The following MALRD1 variants were observed in gnomAD, a reference collection of about 807,000 sequenced individuals.
MALRD1 encodes MAM and LDL receptor class A domain containing 1.
MALRD1 carries 247 observed loss-of-function variants against 242.1 expected under a neutral mutation model. The observed-to-expected ratio is 1.02, with a 90% CI of 0.92 to 1.13. MALRD1 has a LOEUF of 1.13. Ranked by LOEUF, MALRD1 falls within the 50% of genes most tolerant of loss-of-function variation. The probability of loss-of-function intolerance (pLI) is 0.00; values close to 1 mark genes in which losing one functional copy is unlikely to be tolerated. For synonymous variants in MALRD1, 995 were observed against 866.6 expected, an observed-to-expected ratio of 1.15 and a Z score of -2.60; for missense variants, 2,989 against 2,533.1, an observed-to-expected ratio of 1.18 and a Z score of -3.86.
At chr10:19,069,075 A>G (rs1835064106) in intron 2 of MALRD1, among the ~76,000 whole-genome samples, 1 of 152,116 alleles carries the variant, frequency 6.6e-6, no homozygotes, top group Non-Finnish European at 1.5e-5. Flanking sequence ...TGAAAGTTTT[A>G]AGTAATTCTG....
intron 34 of MALRD1, among the ~76,000 whole-genome samples, 179 bp downstream of exon 34, chr10:19,595,636 C>A (rs978351311): frequency 1.3e-5 from 2 of 152,160 alleles, no homozygotes; most frequent in Admixed American, 6.6e-5. Flanking sequence ...GTGTTTCCAG[C>A]AACACCCCGT....
intron 5 of MALRD1, 64 bp downstream of exon 5, chr10:19,104,139 T>C (rs1836380803): frequency 1.1e-6 from 1 of 887,912 alleles, no homozygotes; most frequent in Admixed American, 4.3e-5. Flanking sequence ...AATTTAAACA[T>C]TGTGATGACT....
chr10:19,099,096 G>A (rs1836153049), intron 4 of MALRD1, among the ~76,000 whole-genome samples: 1 of 152,138 alleles, frequency 6.6e-6, no homozygotes, highest in Non-Finnish European at 1.5e-5. Flanking sequence ...GGTAATAAAA[G>A]GGAAGACGGA....
chr10:19,209,740 G>A, intron 18 of MALRD1, 60 bp downstream of exon 18: 1 of 1,408,262 alleles, frequency 7.1e-7, no homozygotes, highest in Non-Finnish European at 9.5e-7. Context: ...TAAGGAATAT[G>A]AAAGATCGCT....
intron 31 of MALRD1, among the ~76,000 whole-genome samples, chr10:19,521,951 CT>C (rs1833901014): frequency 7.1e-6 from 1 of 140,174 alleles, no homozygotes; most frequent in African/African-American, 3.2e-5. Context: ...TCTTTCTCAG[CT>C]GATTATATGT....
At chr10:19,370,561 A>AATTCACAT (rs1362903833) in intron 26 of MALRD1, among the ~76,000 whole-genome samples, 1 of 152,042 alleles carries the variant, frequency 6.6e-6, no homozygotes, top group African/African-American at 2.4e-5. Flanking sequence ...AGCTTTGCTA[A>AATTCACAT]ATTCACATAT....
intron 14 of MALRD1, among the ~76,000 whole-genome samples, chr10:19,189,861 C>G (rs1259671386): frequency 1.3e-5 from 2 of 152,106 alleles, no homozygotes; most frequent in East Asian, 3.8e-4. Context: ...ACATTATACT[C>G]ATTGGTGAAA....
intron 13 of MALRD1, among the ~76,000 whole-genome samples, chr10:19,170,424 T>C (rs1189923432): frequency 6.6e-6 from 1 of 152,298 alleles, no homozygotes; most frequent in Middle Eastern, 3.4e-3. Flanking sequence ...ATATTTTAGA[T>C]TTCATTTTGA....
intron 4 of MALRD1, among the ~76,000 whole-genome samples, chr10:19,102,094 TTATATCA>T (rs1473570320): frequency 1.4e-5 from 2 of 144,854 alleles, no homozygotes; most frequent in Non-Finnish European, 1.5e-5. Flanking sequence ...TAACATATTA[TTATATCA>T]TATATGATAT....
chr10:19,210,948 G>A (rs1222698239), intron 18 of MALRD1, among the ~76,000 whole-genome samples: 4 of 152,158 alleles, frequency 2.6e-5, no homozygotes, highest in Non-Finnish European at 1.5e-5. Flanking sequence ...CATCAGTGTG[G>A]CATCGTTCTG....
intron 21 of MALRD1, among the ~76,000 whole-genome samples, chr10:19,308,113 A>G (rs1842293299): frequency 6.6e-6 from 1 of 151,546 alleles, no homozygotes; most frequent in South Asian, 2.1e-4. Context: ...GCTGTCAAGT[A>G]GTAGGTATTA....
chr10:19,499,811 A>G (rs142977339), intron 31 of MALRD1, among the ~76,000 whole-genome samples: 145 of 152,320 alleles, frequency 9.5e-4, no homozygotes, highest in Middle Eastern at 3.4e-3. Flanking sequence ...TTATTTATAT[A>G]TTCCAGGCAG....
intron 28 of MALRD1, 118 bp from the exon 29 acceptor site, chr10:19,450,189 G>GT (rs532568628): frequency 1.2e-5 from 11 of 882,526 alleles, no homozygotes; most frequent in South Asian, 2.0e-5. Context: ...GTGCTTCTTT[G>GT]TTTTTTCAGT....
chr10:19,685,460 A>C (rs1333510562), intron 36 of MALRD1, among the ~76,000 whole-genome samples: 4 of 152,146 alleles, frequency 2.6e-5, no homozygotes, highest in Non-Finnish European at 4.4e-5. Context: ...AAAAATGGAG[A>C]AGTAGAAGCA....
intron 1 of MALRD1, among the ~76,000 whole-genome samples, chr10:19,054,066 A>G (rs1025362403): frequency 6.6e-6 from 1 of 152,130 alleles, no homozygotes; most frequent in Admixed American, 6.5e-5. Flanking sequence ...TAACATGCTT[A>G]TCAAGGGAAA....
At chr10:19,138,760 A>G (rs1173961782) in intron 10 of MALRD1, among the ~76,000 whole-genome samples, 1 of 152,004 alleles carries the variant, frequency 6.6e-6, no homozygotes, top group East Asian at 1.9e-4. Context: ...CCTCCATTGT[A>G]TTCCCCGTAG....
chr10:19,212,451 A>G (rs1837112469), intron 18 of MALRD1, among the ~76,000 whole-genome samples: 1 of 152,218 alleles, frequency 6.6e-6, no homozygotes, highest in African/African-American at 2.4e-5. Flanking sequence ...TATAGTATGT[A>G]TCCATAATTA....
chr10:19,460,816 A>G (rs924506595), intron 29 of MALRD1, among the ~76,000 whole-genome samples: 5 of 152,170 alleles, frequency 3.3e-5, no homozygotes, highest in African/African-American at 1.2e-4. Context: ...ATAAAGAAGC[A>G]CTTTCAAAAG....
rs543165075 is a variant in MALRD1, at chr10:19,571,767, A to G, written c.5680+4064A>G. Among the ~76,000 whole-genome samples, 5 of 152,266 alleles carry G rather than the reference A, an allele frequency of 3.3e-5. No individual in the cohort carries two copies. In the South Asian group the frequency reaches 8.3e-4, roughly 25 times the overall value. ...ATGTGAAAAAGTCTATACCATTAAAACTACTAGCTTTGTTTGTCTTTCCTT... is the reference window on the plus strand; with the variant it reads ...ATGTGAAAAAGTCTATACCATTAAAGCTACTAGCTTTGTTTGTCTTTCCTT... On this transcript the variant is annotated intron_variant, in intron 33 of 39. Transcript: ENST00000454679.
Sources: allele counts gnomAD v4.1 joint callset (sites outside exome capture counted in the v4.1 genomes callset), GRCh38; gene constraint gnomAD v4.1.1; transcripts MANE v1.5; gene names NCBI Gene and HGNC (gene_info 2026-07-23, HGNC 2026-07-21).